Variants in EPB41 observed in about 807,000 individuals in gnomAD.
The protein encoded by EPB41 is protein 4.1.
EPB41 carries 65 observed loss-of-function variants against 108.0 expected under a neutral mutation model. That is an observed-to-expected ratio of 0.60 (90% confidence interval 0.49 to 0.74). The LOEUF is 0.74. EPB41 is among the 30% of genes least tolerant of loss of function. The pLI, the probability that EPB41 is intolerant of heterozygous loss-of-function variation, is 0.00. For synonymous variants in EPB41, 336 were observed against 358.9 expected, an observed-to-expected ratio of 0.94 and a Z score of 0.72; for missense variants, 875 against 1,037.0, an observed-to-expected ratio of 0.84 and a Z score of 2.15.
At chr1:28,999,809 A>T (rs944752775) in intron 4 of EPB41, among the ~76,000 whole-genome samples, 1 of 151,802 alleles carries the variant, frequency 6.6e-6, no homozygotes, top group Non-Finnish European at 1.5e-5. Context: ...TTTGAGACAG[A>T]GTCTCACTCT....
intron 1 of EPB41, among the ~76,000 whole-genome samples, chr1:28,947,339 C>T (rs2094520271): frequency 6.6e-6 from 1 of 151,620 alleles, no homozygotes; most frequent in South Asian, 2.1e-4. Flanking sequence ...TCTCGGGAGG[C>T]GGATGTTGCA....
chr1:28,989,093 T>C (rs1315321752), intron 2 of EPB41, among the ~76,000 whole-genome samples: 2 of 152,214 alleles, frequency 1.3e-5, no homozygotes, highest in Non-Finnish European at 2.9e-5. Flanking sequence ...TTCAAGCCCT[T>C]TGAAGGTATG....
At chr1:29,058,874 C>T in intron 14 of EPB41, 22 bp downstream of exon 14, 1 of 1,545,080 alleles carries the variant, frequency 6.5e-7, no homozygotes, top group South Asian at 1.2e-5. Flanking sequence ...TTCACTTTCA[C>T]AAAACTACAT....
At chr1:29,099,951 C>G (rs1664683348) in intron 17 of EPB41, among the ~76,000 whole-genome samples, 1 of 152,130 alleles carries the variant, frequency 6.6e-6, no homozygotes. Context: ...AAGAGTTAGA[C>G]AATATGGGAT....
intron 4 of EPB41, among the ~76,000 whole-genome samples, chr1:29,009,306 G>A (rs2096462176): frequency 6.6e-6 from 1 of 152,068 alleles, no homozygotes; most frequent in African/African-American, 2.4e-5. Flanking sequence ...TTTTGTTTTT[G>A]ATTTTGATTT....
intron 18 of EPB41, chr1:29,109,888 G>A (rs918355043): frequency 1.8e-5 from 4 of 223,784 alleles, no homozygotes; most frequent in African/African-American, 8.9e-5. Flanking sequence ...ACATAAATTA[G>A]CCGGGTGTGG....
intron 16 of EPB41, chr1:29,096,629 G>A (rs1002706410): frequency 1.0e-6 from 1 of 976,510 alleles, no homozygotes; most frequent in African/African-American, 1.8e-5. Context: ...AATGATGCAG[G>A]TCTAATGACT....
intron 8 of EPB41, chr1:29,031,773 T>TTC (rs2150301355): frequency 6.6e-6 from 1 of 152,278 alleles, no homozygotes; most frequent in Admixed American, 6.5e-5. Context: ...GTCTCCTTAC[T>TTC]TCTCTCTTCT....
chr1:28,977,732 C>G (rs1019781179), intron 1 of EPB41, among the ~76,000 whole-genome samples: 5 of 152,164 alleles, frequency 3.3e-5, no homozygotes, highest in Admixed American at 2.0e-4. Flanking sequence ...ATCTTTTCCT[C>G]TGTACCCGTC....
At chr1:29,012,004 C>G (rs2096510083) in intron 5 of EPB41, 97 bp downstream of exon 5, 1 of 1,281,388 alleles carries the variant, frequency 7.8e-7, no homozygotes, top group African/African-American at 1.5e-5. Flanking sequence ...CTTTAGAATC[C>G]TGACTACTGC....
At chr1:28,915,761 G>A (rs1350894238) in intron 1 of EPB41, among the ~76,000 whole-genome samples, 11 of 114,518 alleles carry the variant, frequency 9.6e-5, no homozygotes, top group African/African-American at 3.7e-4. Context: ...TGTAGTCTGG[G>A]TGATTTCACA....
chr1:29,023,328 A>G (rs1291815182), intron 7 of EPB41, among the ~76,000 whole-genome samples: 1 of 151,910 alleles, frequency 6.6e-6, no homozygotes, highest in Admixed American at 6.6e-5. Context: ...TTTAATAAAC[A>G]TTTTAAATTT....
chr1:29,061,572 GTTTTTTTTTTTTT>G lies in EPB41; in HGVS notation c.2007+1102_2007+1114del, dbSNP rs34413393. ...GCGTGAGCCACTGCGCCTGGCCTTTGTTTTTTTTTTTTTTTTTTTTTTTTTTGAGGCGGGTCTC... is the reference window on the plus strand; with the variant it reads ...GCGTGAGCCACTGCGCCTGGCCTTTGTTTTTTTTTTTTTGAGGCGGGTCTC... On this transcript the variant is annotated intron_variant, in intron 15 of 20. Coordinates refer to ENST00000343067, the MANE Select transcript of EPB41 (RefSeq NM_001376013.1). 1.1e-4 allele frequency among the ~76,000 whole-genome samples: 7 copies of G among 64,050 alleles called. 1 individual carries two copies. The Admixed American group carries it at 1.2e-3, about 11-fold the overall frequency. 42.0% of individuals were successfully genotyped at this position (64,050 alleles called of 152,430 possible). A position where few individuals can be genotyped will look rare whatever the true frequency, so the allele number is the denominator to read the frequency against.
intron 16 of EPB41, among the ~76,000 whole-genome samples, chr1:29,087,981 G>A (rs545776145): frequency 6.7e-6 from 1 of 149,954 alleles, no homozygotes; most frequent in African/African-American, 2.4e-5. Flanking sequence ...TATCATTGCA[G>A]TACTTTATAT....
At chr1:28,982,734 A>C (rs2095787671) in intron 1 of EPB41, 2 of 500,146 alleles carry the variant, frequency 4.0e-6, no homozygotes, top group East Asian at 7.6e-5. Flanking sequence ...TTTTTTATGA[A>C]TACACCTTGT....
intron 3 of EPB41, 151 bp from the exon 4 acceptor site, chr1:28,997,064 A>G (rs1423140424): frequency 2.9e-6 from 2 of 691,468 alleles, no homozygotes; most frequent in Non-Finnish European, 5.3e-6. Flanking sequence ...AGGTGGGAAG[A>G]TCACTTGAGC....
At chr1:29,104,178 A>G (rs997190621) in intron 17 of EPB41, among the ~76,000 whole-genome samples, 2 of 152,232 alleles carry the variant, frequency 1.3e-5, no homozygotes, top group Non-Finnish European at 2.9e-5. Context: ...AAATGAATTA[A>G]TGCACATAAA....
At chr1:28,956,370 C>T (rs2094951030) in intron 1 of EPB41, among the ~76,000 whole-genome samples, 1 of 152,178 alleles carries the variant, frequency 6.6e-6, no homozygotes, top group Non-Finnish European at 1.5e-5. Flanking sequence ...CTGTTTTACA[C>T]CTCCAGCATA....
In EPB41 at chr1:28,990,296, TTTCCTTCCTTCC is replaced by T. The variant is rs201526830; in HGVS notation, c.468+2420_468+2431del. Among the ~76,000 whole-genome samples, 10 of 44,062 alleles carry T rather than the reference TTTCCTTCCTTCC, an allele frequency of 2.3e-4. 1 individual carries two copies. Among genetic ancestry groups the T allele is most frequent in the African/African-American group, 3.3e-4 (2 of 6,068 alleles). 28.9% of individuals were successfully genotyped at this position (44,062 alleles called of 152,430 possible). A position where few individuals can be genotyped will look rare whatever the true frequency, so the allele number is the denominator to read the frequency against. On this transcript the variant is annotated intron_variant, in intron 2 of 20. Coordinates refer to ENST00000343067, the MANE Select transcript of EPB41 (RefSeq NM_001376013.1). Reference sequence around the variant, plus strand: ...CTGGTACTTTCAAGAGTTTTTCAAATTTCCTTCCTTCCTTCCTTCCTTCCTTCCTTCCTTCCT... The same window carrying T: ...CTGGTACTTTCAAGAGTTTTTCAAATTTCCTTCCTTCCTTCCTTCCTTCCT...
Sources: allele counts gnomAD v4.1 joint callset (sites outside exome capture counted in the v4.1 genomes callset), GRCh38; gene constraint gnomAD v4.1.1; transcripts MANE v1.5; gene names NCBI Gene and HGNC (gene_info 2026-07-23, HGNC 2026-07-21).